The following NFIA variants were observed in gnomAD, a reference collection of about 807,000 sequenced individuals.
NFIA encodes the protein nuclear factor I A, also known as nuclear factor 1 A-type.
In NFIA, 8 loss-of-function variants were observed where a neutral mutation model predicts 62.8. The observed-to-expected ratio is 0.13, with a 90% CI of 0.07 to 0.23. The LOEUF is 0.23. Ranked by LOEUF, NFIA falls within the 10% of genes least tolerant of loss-of-function variation. The pLI, the probability that NFIA is intolerant of heterozygous loss-of-function variation, is 1.00. For synonymous variants in NFIA, 235 were observed against 238.1 expected, an observed-to-expected ratio of 0.99 and a Z score of 0.12; for missense variants, 410 against 642.1, an observed-to-expected ratio of 0.64 and a Z score of 3.91.
At chr1:61,172,344 A>C (rs1650026931) in intron 2 of NFIA, among the ~76,000 whole-genome samples, 1 of 152,172 alleles carries the variant, frequency 6.6e-6, no homozygotes, top group Non-Finnish European at 1.5e-5. Context: ...GACGAATGAC[A>C]TGAAGGTTGG....
intron 2 of NFIA, among the ~76,000 whole-genome samples, chr1:61,127,534 A>G (rs1024772375): frequency 7.2e-5 from 11 of 152,094 alleles, no homozygotes; most frequent in Admixed American, 5.9e-4. Context: ...AACCTCTTTG[A>G]GGAGAGCTCC....
intron 2 of NFIA, among the ~76,000 whole-genome samples, chr1:61,263,497 G>A (rs1656904364): frequency 6.6e-6 from 1 of 152,142 alleles, no homozygotes; most frequent in African/African-American, 2.4e-5. Flanking sequence ...GCTCTTTCTT[G>A]TGAATAGGCT....
chr1:61,172,336 C>T (rs190632622), intron 2 of NFIA, among the ~76,000 whole-genome samples: 22 of 152,072 alleles, frequency 1.4e-4, no homozygotes, highest in Non-Finnish European at 2.5e-4. Flanking sequence ...GTGCTGGTGA[C>T]GAATGACATG....
Position 61,378,527 on chromosome 1 carries a change from G to A in NFIA, c.947-4710G>A, listed in dbSNP as rs79195454. Among the ~76,000 whole-genome samples the A allele has an allele frequency of 8.3e-3, 1,253 of 151,502 alleles. 21 individuals are homozygous for A. The highest frequency in any genetic ancestry group is 0.039 in the East Asian group (204 of 5,180). On this transcript the variant is annotated intron_variant, in intron 6 of 10. Coordinates refer to ENST00000403491, the MANE Select transcript of NFIA (RefSeq NM_001134673.4). ...TAATACACACATGTCTAGCATTGCA[G>A]TCGTCTTATATTTGAATATCATGTT...
At chr1:61,256,894 G>C (rs1447612672) in intron 2 of NFIA, among the ~76,000 whole-genome samples, 2 of 152,040 alleles carry the variant, frequency 1.3e-5, no homozygotes, top group Non-Finnish European at 2.9e-5. Flanking sequence ...TGCCAGCCTG[G>C]GACGAGAACT....
At chr1:61,086,016 T>G (rs1345914345) in intron 1 of NFIA, among the ~76,000 whole-genome samples, 1 of 152,208 alleles carries the variant, frequency 6.6e-6, no homozygotes, top group Non-Finnish European at 1.5e-5. Context: ...AAATGCTTAT[T>G]ATCATTAATC....
chr1:61,289,063 C>T (rs890728423), intron 3 of NFIA, among the ~76,000 whole-genome samples: 2 of 152,206 alleles, frequency 1.3e-5, no homozygotes, highest in African/African-American at 4.8e-5. Flanking sequence ...AGCCACTGCG[C>T]CTGGAGTAAG....
At chr1:61,449,866 A>T (rs545679859) in intron 10 of NFIA, among the ~76,000 whole-genome samples, 1 of 152,332 alleles carries the variant, frequency 6.6e-6, no homozygotes, top group South Asian at 2.1e-4. Context: ...ACAGCATGAC[A>T]CCCTTTTCAG....
intron 2 of NFIA, among the ~76,000 whole-genome samples, chr1:61,190,412 A>C (rs1651537407): frequency 6.6e-6 from 1 of 152,244 alleles, no homozygotes; most frequent in South Asian, 2.1e-4. Flanking sequence ...CCTGGAAGCC[A>C]GGCCATGTTC....
intron 2 of NFIA, among the ~76,000 whole-genome samples, chr1:61,212,578 C>CAT (rs1420949207): frequency 6.6e-6 from 1 of 152,126 alleles, no homozygotes; most frequent in African/African-American, 2.4e-5. Flanking sequence ...TTTTCTATAA[C>CAT]ATTAAAAAGA....
At chr1:61,451,055 CT>C in intron 10 of NFIA, among the ~76,000 whole-genome samples, 1 of 152,112 alleles carries the variant, frequency 6.6e-6, no homozygotes, top group Admixed American at 6.5e-5. Flanking sequence ...AAGACGGCCC[CT>C]GTGTTCTGAT....
In NFIA at chr1:61,295,355, G is replaced by C. The variant is rs187291106; in HGVS notation, c.625+17770G>C. Among the ~76,000 whole-genome samples the C allele has an allele frequency of 1.9e-3, 287 of 152,272 alleles. 1 individual carries two copies. The highest frequency in any genetic ancestry group is 3.4e-3 in the Middle Eastern group (1 of 294). On this transcript the variant is annotated intron_variant, in intron 3 of 10. Coordinates refer to ENST00000403491, the MANE Select transcript of NFIA (RefSeq NM_001134673.4). ...CGGGTTAGAGTTGAAGCAAGAACCT[G>C]TATGAAAAGAAAGGCAATGTCCACC... is the stretch of plus-strand genomic sequence containing the variant.
At chr1:61,110,187 C>G (rs1221574221) in intron 2 of NFIA, among the ~76,000 whole-genome samples, 1 of 151,684 alleles carries the variant, frequency 6.6e-6, no homozygotes, top group South Asian at 2.1e-4. Context: ...GGTGCTGACA[C>G]AGCACAGGTA....
At chr1:61,360,521 C>T (rs1663232731) in intron 6 of NFIA, among the ~76,000 whole-genome samples, 2 of 152,190 alleles carry the variant, frequency 1.3e-5, no homozygotes, top group Admixed American at 1.3e-4. Flanking sequence ...TGTTCTATGG[C>T]CATCCTTCCC....
intron 1 of NFIA, among the ~76,000 whole-genome samples, chr1:61,087,442 A>G (rs1170318800): frequency 6.6e-6 from 1 of 151,622 alleles, no homozygotes; most frequent in Non-Finnish European, 1.5e-5. Context: ...TGTCTTGGGC[A>G]TAGATCTTTT....
Position 61,451,386 on chromosome 1 carries a change from G to A in NFIA, c.1513-3917G>A, listed in dbSNP as rs184695143. Reference sequence around the variant, plus strand: ...TACATGAGTTGAATACCTTAGAGACGCCACATCTGCAGGCACTTTATTAAA... The same window carrying A: ...TACATGAGTTGAATACCTTAGAGACACCACATCTGCAGGCACTTTATTAAA... On this transcript the variant is annotated intron_variant, in intron 10 of 10. Transcript: ENST00000403491. Among the ~76,000 whole-genome samples the A allele has an allele frequency of 4.2e-3, 639 of 152,274 alleles. 23 individuals are homozygous for A. The highest frequency in any genetic ancestry group is 0.04 in the Admixed American group (605 of 15,296).
rs141331083 is a variant in NFIA at position 61,406,590 on chromosome 1, A to T, written c.1283A>T (p.His428Leu). The T allele has an allele frequency of 3.3e-5, 45 of 1,356,546 alleles. No homozygotes were observed. The highest frequency in any genetic ancestry group is 3.9e-6 in the Non-Finnish European group (4 of 1,026,242). 84.0% of individuals were successfully genotyped at this position (1,356,546 alleles called of 1,614,324 possible). A position where few individuals can be genotyped will look rare whatever the true frequency, so the allele number is the denominator to read the frequency against. ...AATGGGAGCAGCCAAGGCAAGGTGC[A>T]CAACCCATTCCTTCCCACCCCAATG... ...NPNGSSQGKV[H>L]NPFLPTPMLP... Residue 428 changes from histidine to leucine, a missense_variant, in exon 9 of 11, where the codon CAC becomes CTC. His to Leu is a moderately conservative substitution (Grantham distance 99). This residue lies in a region of NFIA where 298 missense variants were observed against 438.1 expected (regional missense o/e 0.68). Transcript: ENST00000403491.
chr1:61,313,004 C>T (rs1157742408), intron 3 of NFIA, among the ~76,000 whole-genome samples: 1 of 152,106 alleles, frequency 6.6e-6, no homozygotes. Context: ...TATCCTTGCA[C>T]ATATGAACAG....
chr1:61,230,348 T>C (rs915489180), intron 2 of NFIA, among the ~76,000 whole-genome samples: 1 of 152,196 alleles, frequency 6.6e-6, no homozygotes, highest in African/African-American at 2.4e-5. Context: ...ATGAGAGTTA[T>C]ATGAATAGGA....
Sources: gnomAD v4.1 joint callset for allele counts (sites outside exome capture counted in the v4.1 genomes callset) on GRCh38, gnomAD v4.1.1 for gene constraint, gnomAD v4.1.1 regional missense constraint, MANE v1.5 for transcripts, NCBI Gene and HGNC (gene_info 2026-07-23, HGNC 2026-07-21) for gene names.